MACIR: variants seen among roughly 807,000 people sequenced by gnomAD.
The protein encoded by MACIR is macrophage immunometabolism regulator.
Under a neutral mutation model 14.3 loss-of-function variants are expected in MACIR, and 4 were observed. That is an observed-to-expected ratio of 0.28 (90% CI 0.14 to 0.64). The LOEUF is 0.64. Ranked by LOEUF, MACIR falls within the 30% of genes least tolerant of loss-of-function variation. The probability of loss-of-function intolerance (pLI) is 0.83; values close to 1 mark genes in which losing one functional copy is unlikely to be tolerated. For synonymous variants in MACIR, 101 were observed against 102.4 expected (o/e 0.99, Z 0.08); for missense variants, 228 against 257.6 (o/e 0.89, Z 0.79).
chr5:103,276,519 G>A lies in MACIR; in HGVS notation c.600G>A (p.Val200=), dbSNP rs781872677. Residue 200 remains valine (V), a synonymous_variant, in exon 3 of 3, where the codon GTG becomes GTA. Transcript: ENST00000319933. ...ACCTAACCCTCCGAGGGGACCGTGT[G>A]TTTGCTAGGAATAATACATGAATGA... ...LQHLTLRGDR[V]FARNNT 4 of 1,610,682 alleles carry A rather than the reference G, an allele frequency of 2.5e-6. No individual in the cohort carries two copies. In the South Asian group the frequency reaches 3.3e-5, roughly 13 times the overall value.
chr5:103,261,415 T>C (rs1804677553), intron 1 of MACIR, among the ~76,000 whole-genome samples: 1 of 152,222 alleles, frequency 6.6e-6, no homozygotes, highest in Non-Finnish European at 1.5e-5. Flanking sequence ...TGTTGTACTT[T>C]GACAGTTAAG....
rs1805363748 is a variant in MACIR, at chr5:103,277,034, G to A, written c.*494G>A. 6.0e-6 allele frequency: 1 copy of A among 167,072 alleles called. No individual in the cohort carries two copies. Among genetic ancestry groups the A allele is most frequent in the African/African-American group, 2.4e-5 (1 of 41,434 alleles). 10.3% of individuals were successfully genotyped at this position (167,072 alleles called of 1,614,324 possible). On this transcript the variant is annotated 3_prime_UTR_variant, in exon 3 of 3. Coordinates refer to ENST00000319933, the MANE Select transcript of MACIR (RefSeq NM_033211.4). ...ACCACTTTTTATTTTTAAATATTGAGTTTAAATATTTTATAACTGGTTTTG... is the reference window on the plus strand; with the variant it reads ...ACCACTTTTTATTTTTAAATATTGAATTTAAATATTTTATAACTGGTTTTG...
In MACIR at chr5:103,276,966, G is replaced by A. The variant is rs1805361883; in HGVS notation, c.*426G>A. 1 of 168,042 alleles carries A rather than the reference G, an allele frequency of 6.0e-6. No individual in the cohort carries two copies. The highest frequency in any genetic ancestry group is 2.1e-4 in the South Asian group (1 of 4,856). 10.4% of individuals were successfully genotyped at this position (168,042 alleles called of 1,614,324 possible). A position where few individuals can be genotyped will look rare whatever the true frequency, so the allele number is the denominator to read the frequency against. On this transcript the variant is annotated 3_prime_UTR_variant, in exon 3 of 3. Coordinates refer to ENST00000319933, the MANE Select transcript of MACIR (RefSeq NM_033211.4). ...TATTTTACTATAAAATGTATGTAAT[G>A]ATTTGTTTTATGAAATTTAGAACTT...
intron 1 of MACIR, among the ~76,000 whole-genome samples, chr5:103,263,199 A>ACCTCCTCCTCCTCCTCCTCCT (rs1192451453): frequency 3.5e-5 from 5 of 141,614 alleles, no homozygotes; most frequent in Non-Finnish European, 7.8e-5. Flanking sequence ...TTCACCATAT[A>ACCTCCTCCTCCTCCTCCTCCT]CCTCCTCCTC....
chr5:103,261,050 A>G (rs1195565835), intron 1 of MACIR, among the ~76,000 whole-genome samples: 1 of 152,230 alleles, frequency 6.6e-6, no homozygotes, highest in African/African-American at 2.4e-5. Context: ...GAAGGATGAC[A>G]CCACGTGATA....
intron 1 of MACIR, among the ~76,000 whole-genome samples, chr5:103,260,081 G>T (rs1263772985): frequency 2.2e-5 from 3 of 135,166 alleles, no homozygotes; most frequent in East Asian, 4.5e-4. Flanking sequence ...GTGTGTTTGT[G>T]TGTGTGTGGT....
At chr5:103,263,860 A>G (rs1554236525) in intron 1 of MACIR, among the ~76,000 whole-genome samples, 1 of 152,166 alleles carries the variant, frequency 6.6e-6, no homozygotes, top group Non-Finnish European at 1.5e-5. Flanking sequence ...GTATTGGTTG[A>G]TACCTTTTTT....
In MACIR at chr5:103,276,194, G is replaced by A. The variant is rs782593060; in HGVS notation, c.275G>A (p.Arg92His). The A allele has an allele frequency of 6.8e-6, 11 of 1,613,482 alleles. No homozygotes were observed. Among genetic ancestry groups the A allele is most frequent in the African/African-American group, 2.7e-5 (2 of 74,680 alleles). Residue 92 changes from arginine to histidine, a missense_variant, in exon 3 of 3, where the codon CGC becomes CAC. Physicochemically the swap from Arg to His is conservative, Grantham distance 29. Coordinates refer to ENST00000319933, the MANE Select transcript of MACIR (RefSeq NM_033211.4). Reference protein sequence around the residue: ...ESKAEAMPSLRSKQLDAGLAR... With the variant: ...ESKAEAMPSLHSKQLDAGLAR... ...AAAGCAGAAGCCATGCCATCCTTAC[G>A]CTCCAAACAGCTAGATGCAGGACTT...
At chr5:103,275,108 CAG>C (rs1465490699) in intron 2 of MACIR, among the ~76,000 whole-genome samples, 5 of 152,144 alleles carry the variant, frequency 3.3e-5, no homozygotes, top group Non-Finnish European at 7.4e-5. Context: ...TATTGAAAAA[CAG>C]AATGTCAAGC....
chr5:103,270,687 C>A (rs1430909045), intron 2 of MACIR, among the ~76,000 whole-genome samples: 1 of 152,114 alleles, frequency 6.6e-6, no homozygotes, highest in Non-Finnish European at 1.5e-5. Flanking sequence ...TTTGAGATAT[C>A]TCTGTGTATG....
intron 2 of MACIR, among the ~76,000 whole-genome samples, chr5:103,273,455 G>A (rs1805207569): frequency 6.6e-6 from 1 of 151,988 alleles, no homozygotes; most frequent in Non-Finnish European, 1.5e-5. Context: ...CTTTACACAA[G>A]TCTTCACATT....
At position 103,276,646 on chromosome 5, in the gene MACIR, C is replaced by A; in HGVS notation, c.*106C>A. The A allele has an allele frequency of 9.6e-7, 1 of 1,043,166 alleles. No homozygotes were observed. Among genetic ancestry groups the A allele is most frequent in the Non-Finnish European group, 1.4e-6 (1 of 733,214 alleles). 64.6% of individuals were successfully genotyped at this position (1,043,166 alleles called of 1,614,324 possible). On this transcript the variant is annotated 3_prime_UTR_variant, in exon 3 of 3. Coordinates refer to ENST00000319933, the MANE Select transcript of MACIR (RefSeq NM_033211.4). ...CTCTTCACACTATAGATGGTTATAT[C>A]AGCTAAGTGTTCCTGGAACATAAAA...
At chr5:103,259,709 C>T (rs1414835780) in intron 1 of MACIR, 1 of 152,358 alleles carries the variant, frequency 6.6e-6, no homozygotes, top group African/African-American at 2.4e-5. Context: ...TGGATTGGGG[C>T]CCGGTCCGAG....
intron 2 of MACIR, among the ~76,000 whole-genome samples, chr5:103,272,969 G>A (rs1258931489): frequency 6.6e-5 from 10 of 152,150 alleles, no homozygotes; most frequent in African/African-American, 2.4e-4. Flanking sequence ...TTGCTCATCA[G>A]AAGTTCAGCA....
chr5:103,274,011 C>G (rs1430745785), intron 2 of MACIR, among the ~76,000 whole-genome samples: 1 of 151,894 alleles, frequency 6.6e-6, no homozygotes, highest in Non-Finnish European at 1.5e-5. Flanking sequence ...CTCAATGGCC[C>G]TGGTTATTTT....
chr5:103,261,662 C>T (rs1056246768), intron 1 of MACIR, among the ~76,000 whole-genome samples: 3 of 110,600 alleles, frequency 2.7e-5, no homozygotes, highest in African/African-American at 1.2e-4. Context: ...TTCTTTCTTT[C>T]TTTCTTTCTT....
At position 103,275,969 on chromosome 5, in the gene MACIR, C is replaced by A; in HGVS notation, c.50C>A (p.Pro17His). The A allele has an allele frequency of 6.2e-7, 1 of 1,613,970 alleles. No individual in the cohort carries two copies. Among genetic ancestry groups the A allele is most frequent in the Non-Finnish European group, 8.5e-7 (1 of 1,180,038 alleles). Reference protein sequence around the residue: ...GESRSTLTTLPFPGAEANSPG... With the variant: ...GESRSTLTTLHFPGAEANSPG... ...TCTAGAAGTACCCTGACCACCTTGCCCTTCCCTGGGGCTGAGGCCAACTCC... is the reference window on the plus strand; with the variant it reads ...TCTAGAAGTACCCTGACCACCTTGCACTTCCCTGGGGCTGAGGCCAACTCC... Residue 17 changes from proline to histidine, a missense_variant, in exon 3 of 3, where the codon CCC becomes CAC. Transcript: ENST00000319933.
At chr5:103,260,726 A>C (rs561097032) in intron 1 of MACIR, among the ~76,000 whole-genome samples, 1 of 152,232 alleles carries the variant, frequency 6.6e-6, no homozygotes, top group Non-Finnish European at 1.5e-5. Flanking sequence ...AATTAACTCA[A>C]AAGTACTTAA....
At chr5:103,264,223 G>T (rs781968146) in intron 1 of MACIR, among the ~76,000 whole-genome samples, 7 of 152,100 alleles carry the variant, frequency 4.6e-5, no homozygotes, top group African/African-American at 7.2e-5. Flanking sequence ...ACCAATTGGG[G>T]TTCCAATTCC....
Sources: gnomAD v4.1 joint callset for allele counts (sites outside exome capture counted in the v4.1 genomes callset) on GRCh38, gnomAD v4.1.1 for gene constraint, MANE v1.5 for transcripts, NCBI Gene and HGNC (gene_info 2026-07-23, HGNC 2026-07-21) for gene names.